Variants in SPAG17 observed in about 807,000 individuals in gnomAD.
The protein encoded by SPAG17 is sperm-associated antigen 17.
A neutral mutation model predicts 273.6 loss-of-function variants in SPAG17; 169 were observed. That is an observed-to-expected ratio of 0.62 (90% CI 0.55 to 0.70). The LOEUF (loss-of-function observed/expected upper bound fraction) is 0.70. Among genes scored for constraint, SPAG17 ranks in the 30% least tolerant of loss-of-function variants. The probability of loss-of-function intolerance (pLI) is 0.00; values close to 1 mark genes in which losing one functional copy is unlikely to be tolerated. For synonymous variants in SPAG17, 825 were observed against 873.2 expected (o/e 0.94, Z 0.97); for missense variants, 2,557 against 2,627.8 (o/e 0.97, Z 0.59).
chr1:118,126,489 A>C (rs1294268316), intron 3 of SPAG17, among the ~76,000 whole-genome samples: 2 of 151,918 alleles, frequency 1.3e-5, no homozygotes, highest in African/African-American at 4.8e-5. Context: ...CTGGGATTAC[A>C]GGTGTGAGCC....
chr1:118,077,833 G>C (rs1353811603), intron 15 of SPAG17, among the ~76,000 whole-genome samples: 1 of 152,128 alleles, frequency 6.6e-6, no homozygotes, highest in African/African-American at 2.4e-5. Flanking sequence ...TAGGAGCATG[G>C]CTAAATCATT....
At chr1:118,064,092 G>A (rs1170345837) in intron 18 of SPAG17, among the ~76,000 whole-genome samples, 1 of 152,206 alleles carries the variant, frequency 6.6e-6, no homozygotes, top group East Asian at 1.9e-4. Context: ...AACAACAGGT[G>A]CTGGAGAGGA....
In SPAG17 at chr1:118,178,120, A is replaced by T. The variant is rs536609770; in HGVS notation, c.87+6951T>A. ...CCACATAAAGAAACAACAACGTAAA[A>T]GGCTATAGGTCAGTATCACTGATAA... On this transcript the variant is annotated intron_variant, in intron 1 of 48. Transcript: ENST00000336338. 3.3e-5 allele frequency among the ~76,000 whole-genome samples: 5 copies of T among 152,260 alleles called. No individual in the cohort carries two copies. The East Asian group carries it at 7.7e-4, about 24-fold the overall frequency.
At chr1:118,041,709 G>A in intron 21 of SPAG17, 94 bp downstream of exon 21, 3 of 1,478,364 alleles carry the variant, frequency 2.0e-6, no homozygotes, top group South Asian at 1.4e-5. Context: ...CTACTGTGGG[G>A]TAGTGAAAAC....
At chr1:118,050,334 T>A (rs1329796841) in intron 20 of SPAG17, among the ~76,000 whole-genome samples, 1 of 152,204 alleles carries the variant, frequency 6.6e-6, no homozygotes, top group Non-Finnish European at 1.5e-5. Context: ...CTCTAAAGCT[T>A]TTTAATAAAC....
intron 29 of SPAG17, among the ~76,000 whole-genome samples, chr1:118,014,172 A>G (rs1437627301): frequency 6.6e-6 from 1 of 152,182 alleles, no homozygotes; most frequent in Non-Finnish European, 1.5e-5. Flanking sequence ...TATAAAATGG[A>G]AACAATAGTA....
At chr1:118,138,253 T>C (rs1357735908) in intron 3 of SPAG17, among the ~76,000 whole-genome samples, 2 of 152,174 alleles carry the variant, frequency 1.3e-5, no homozygotes, top group African/African-American at 4.8e-5. Flanking sequence ...AATACGTTGT[T>C]TGCAAAATTA....
chr1:117,954,421 G>A (rs1469403975), intron 48 of SPAG17, among the ~76,000 whole-genome samples: 3 of 152,044 alleles, frequency 2.0e-5, no homozygotes, highest in African/African-American at 7.2e-5. Context: ...GAGTACTATA[G>A]AAACTAACAG....
chr1:118,147,585 A>C (rs1659088720), intron 3 of SPAG17, among the ~76,000 whole-genome samples: 1 of 152,234 alleles, frequency 6.6e-6, no homozygotes, highest in Admixed American at 6.5e-5. Context: ...CTACGTCTCT[A>C]CAGAATTACA....
At position 117,981,190 on chromosome 1, in the gene SPAG17, C is replaced by T. The variant is rs552139238; in HGVS notation, c.6004+80G>A. 2.8e-6 allele frequency: 4 copies of T among 1,429,128 alleles called. No individual in the cohort carries two copies. The South Asian group carries it at 4.8e-5, about 17-fold the overall frequency. The allele number at this position is 1,429,128 out of a possible 1,614,324, so 88.5% of individuals were successfully genotyped here. On this transcript the variant is annotated intron_variant, in intron 43 of 48. Coordinates refer to ENST00000336338, the MANE Select transcript of SPAG17 (RefSeq NM_206996.4). ...TTTTTTCTGTAACTCTCAACCTCGC[C>T]TCCTAGCGCCATCTCCCATATGCCA...
chr1:117,992,211 G>C (rs1337660926), intron 36 of SPAG17, among the ~76,000 whole-genome samples: 1 of 152,128 alleles, frequency 6.6e-6, no homozygotes, highest in African/African-American at 2.4e-5. Context: ...CAAAGATGGA[G>C]GGCACTATAT....
rs191006586 is a variant in SPAG17, at chr1:117,992,096, C to G, written c.5361+370G>C. 2.0e-4 allele frequency among the ~76,000 whole-genome samples: 31 copies of G among 152,242 alleles called. No individual in the cohort carries two copies. In the East Asian group the frequency reaches 5.6e-3, roughly 27 times the overall value. On this transcript the variant is annotated intron_variant, in intron 36 of 48. Transcript: ENST00000336338. ...GATCATACAATTAACTATATATTTACAAATTCTTAGACCGCTTCCAAAGGC... is the reference window on the plus strand; with the variant it reads ...GATCATACAATTAACTATATATTTAGAAATTCTTAGACCGCTTCCAAAGGC...
At chr1:118,097,932 G>A in intron 6 of SPAG17, 81 bp from the exon 7 acceptor site, 4 of 921,416 alleles carry the variant, frequency 4.3e-6, no homozygotes, top group Non-Finnish European at 6.4e-6. Flanking sequence ...TGAGTCATAT[G>A]CATTGCAAGA....
In SPAG17 at chr1:118,102,011, C is replaced by G. The variant is rs985405638; in HGVS notation, c.448-85G>C. Reference sequence around the variant, plus strand: ...ACTGCCAGGTGAATTAATTCTTCATCTCATTCAATCACTTGTATACTCTTT... The same window carrying G: ...ACTGCCAGGTGAATTAATTCTTCATGTCATTCAATCACTTGTATACTCTTT... On this transcript the variant is annotated intron_variant, in intron 4 of 48. Coordinates refer to ENST00000336338, the MANE Select transcript of SPAG17 (RefSeq NM_206996.4). The G allele has an allele frequency of 3.6e-6, 4 of 1,106,480 alleles. No individual in the cohort carries two copies. The Admixed American group carries it at 6.4e-5, about 18-fold the overall frequency. The allele number at this position is 1,106,480 out of a possible 1,614,324, so 68.5% of individuals were successfully genotyped here. A position where few individuals can be genotyped will look rare whatever the true frequency, so the allele number is the denominator to read the frequency against.
intron 48 of SPAG17, 88 bp downstream of exon 48, chr1:117,963,711 G>A: frequency 7.9e-7 from 1 of 1,265,284 alleles, no homozygotes; most frequent in Non-Finnish European, 1.1e-6. Flanking sequence ...ATAGGTTTCT[G>A]ACTATAAGAA....
chr1:118,119,892 A>G (rs1009903389), intron 3 of SPAG17, among the ~76,000 whole-genome samples: 1 of 152,214 alleles, frequency 6.6e-6, no homozygotes, highest in Non-Finnish European at 1.5e-5. Flanking sequence ...TTTTTACATA[A>G]AAACACATCC....
chr1:117,991,726 G>T (rs532204495), intron 36 of SPAG17, among the ~76,000 whole-genome samples, 198 bp from the exon 37 acceptor site: 1 of 152,180 alleles, frequency 6.6e-6, no homozygotes, highest in Non-Finnish European at 1.5e-5. Flanking sequence ...AAGTGCAAAA[G>T]CAAAGCTTTA....
intron 18 of SPAG17, 59 bp downstream of exon 18, chr1:118,066,686 T>C: frequency 6.8e-7 from 1 of 1,462,842 alleles, no homozygotes; most frequent in Non-Finnish European, 9.4e-7. Context: ...AGTAACTAAG[T>C]AACTGGCAAG....
chr1:117,988,871 T>C (rs867064606), intron 38 of SPAG17, among the ~76,000 whole-genome samples: 5 of 152,352 alleles, frequency 3.3e-5, no homozygotes, highest in Middle Eastern at 3.4e-3. Flanking sequence ...AGTCTTCTCA[T>C]AGATGAGTGT....
Sources: gnomAD v4.1 joint callset for allele counts (sites outside exome capture counted in the v4.1 genomes callset) on GRCh38, gnomAD v4.1.1 for gene constraint, MANE v1.5 for transcripts, NCBI Gene and HGNC (gene_info 2026-07-23, HGNC 2026-07-21) for gene names.